The following KATNIP variants were observed in gnomAD, a reference collection of about 807,000 sequenced individuals.
The protein encoded by KATNIP is katanin interacting protein.
KATNIP carries 126 observed loss-of-function variants against 174.0 expected under a neutral mutation model. The ratio of observed to expected loss-of-function variants is 0.72; its 90% CI spans 0.63 to 0.84. KATNIP has a LOEUF of 0.84. Ranked by LOEUF, KATNIP falls within the 40% of genes least tolerant of loss-of-function variation. The pLI is 0.00. For missense variants in KATNIP, 1,958 were observed against 2,109.7 expected, an observed-to-expected ratio of 0.93 and a Z score of 1.41; for synonymous variants, 810 against 835.7, an observed-to-expected ratio of 0.97 and a Z score of 0.53.
At chr16:27,652,774 T>G (rs983157420) in intron 6 of KATNIP, among the ~76,000 whole-genome samples, 1 of 148,534 alleles carries the variant, frequency 6.7e-6, no homozygotes, top group Non-Finnish European at 1.5e-5. Flanking sequence ...ATGGAGCCAC[T>G]GTACTGCAGG....
intron 1 of KATNIP, among the ~76,000 whole-genome samples, chr16:27,553,619 A>G (rs1025652429): frequency 2.0e-5 from 3 of 152,198 alleles, no homozygotes; most frequent in South Asian, 2.1e-4. Flanking sequence ...ATTCAAGACC[A>G]GCTTCGTCAA....
chr16:27,702,296 G>A (rs1368707936), intron 11 of KATNIP, among the ~76,000 whole-genome samples: 1 of 152,168 alleles, frequency 6.6e-6, no homozygotes, highest in Non-Finnish European at 1.5e-5. Context: ...AGGGGGCGAG[G>A]TTGGCCCACA....
rs143371654 is a variant in KATNIP, at chr16:27,569,371, G to A, written c.8-4530G>A. ...AAATCATAAGTGGGAGAATAGTATT[G>A]TAGTTACAAAATTCAATGCAGTCAC... is the stretch of plus-strand genomic sequence containing the variant. On this transcript the variant is annotated intron_variant, in intron 1 of 27. Transcript: ENST00000261588. Among the ~76,000 whole-genome samples the A allele has an allele frequency of 3.2e-4, 49 of 152,314 alleles. 1 individual carries two copies. Among genetic ancestry groups the A allele is most frequent in the African/African-American group, 8.9e-4 (37 of 41,564 alleles).
At chr16:27,743,816 C>A (rs1263966336) in intron 15 of KATNIP, among the ~76,000 whole-genome samples, 1 of 152,146 alleles carries the variant, frequency 6.6e-6, no homozygotes, top group East Asian at 1.9e-4. Flanking sequence ...AAACATTACC[C>A]TATAGTAGTC....
In KATNIP at chr16:27,749,964, A is replaced by C. The variant is rs1356245819; in HGVS notation, c.3004A>C (p.Lys1002Gln). 1 of 1,614,248 alleles carries C rather than the reference A, an allele frequency of 6.2e-7. No homozygotes were observed. Among genetic ancestry groups the C allele is most frequent in the African/African-American group, 1.3e-5 (1 of 75,064 alleles). ...CAACGGAATAGAAATATTCAGTTCC[A>C]AGGGTGAACCGGTGCAGATTTCAAA... is the stretch of plus-strand genomic sequence containing the variant. ...GLNGIEIFSS[K>Q]GEPVQISNIK... The change falls in exon 16 of 28, where the codon AAG (lysine) becomes CAG (glutamine). Residue 1002 changes from lysine (K) to glutamine (Q), a missense_variant. Lys to Gln is a moderately conservative substitution (Grantham distance 53). This residue lies in a region of KATNIP where 1,557 missense variants were observed against 1,617.8 expected (regional missense o/e 0.96). Coordinates refer to ENST00000261588, the MANE Select transcript of KATNIP (RefSeq NM_015202.5).
chr16:27,701,083 T>C (rs955180215), intron 10 of KATNIP, among the ~76,000 whole-genome samples: 1 of 152,254 alleles, frequency 6.6e-6, no homozygotes, highest in Non-Finnish European at 1.5e-5. Context: ...ATGCTGTTAC[T>C]GGAATTCTTC....
intron 22 of KATNIP, 88 bp downstream of exon 22, chr16:27,771,740 C>A: frequency 1.4e-6 from 2 of 1,379,794 alleles, no homozygotes; most frequent in Non-Finnish European, 2.0e-6. Flanking sequence ...TTCAGGCGGC[C>A]ACAGATGAGG....
intron 8 of KATNIP, among the ~76,000 whole-genome samples, chr16:27,682,785 C>T (rs1350288077): frequency 6.6e-6 from 1 of 151,990 alleles, no homozygotes; most frequent in Non-Finnish European, 1.5e-5. Flanking sequence ...GAGAGGTGGG[C>T]CCTTTAAGAT....
intron 10 of KATNIP, among the ~76,000 whole-genome samples, chr16:27,700,704 G>T (rs1275625695): frequency 1.3e-5 from 2 of 152,188 alleles, no homozygotes; most frequent in Non-Finnish European, 2.9e-5. Context: ...AATGAGCCCA[G>T]CCTGATCAAG....
intron 5 of KATNIP, among the ~76,000 whole-genome samples, chr16:27,646,834 G>T (rs1192458986): frequency 3.9e-5 from 6 of 152,154 alleles, no homozygotes; most frequent in Non-Finnish European, 7.3e-5. Context: ...TGCTCCATGA[G>T]GTCACCCAGG....
chr16:27,735,255 C>T (rs915354262), intron 14 of KATNIP, among the ~76,000 whole-genome samples: 8 of 152,196 alleles, frequency 5.3e-5, no homozygotes, highest in South Asian at 4.2e-4. Context: ...GTTCCCTCTC[C>T]GCCAGACGTC....
At chr16:27,751,359 G>C (rs2081509619) in intron 16 of KATNIP, among the ~76,000 whole-genome samples, 1 of 152,098 alleles carries the variant, frequency 6.6e-6, no homozygotes, top group African/African-American at 2.4e-5. Context: ...TGCCGGGTTG[G>C]AGCTGTAACT....
chr16:27,725,880 T>C (rs1210742004), intron 14 of KATNIP, among the ~76,000 whole-genome samples: 5 of 152,202 alleles, frequency 3.3e-5, no homozygotes, highest in Non-Finnish European at 7.3e-5. Flanking sequence ...CCAGGGTATA[T>C]TTTATATACA....
At chr16:27,769,754 G>C (rs1405244181) in intron 20 of KATNIP, 107 bp from the exon 21 acceptor site, 2 of 1,362,410 alleles carry the variant, frequency 1.5e-6, no homozygotes, top group South Asian at 1.3e-5. Context: ...TCTGCGAAAG[G>C]CTCCCCATGG....
rs368886285 is a variant in KATNIP, at chr16:27,769,847, C to T, written c.3976-14C>T. 2 of 1,612,104 alleles carry T rather than the reference C, an allele frequency of 1.2e-6. No individual in the cohort carries two copies. The highest frequency in any genetic ancestry group is 1.7e-6 in the Non-Finnish European group (2 of 1,178,316). On this transcript the variant is annotated splice_polypyrimidine_tract_variant and intron_variant, in intron 20 of 27. Coordinates refer to ENST00000261588, the MANE Select transcript of KATNIP (RefSeq NM_015202.5). ...CTGCCTCCCTTCAGTCATGTTATTT[C>T]TTTTGTTTGCCAGGCCAAGATTGTC...
chr16:27,591,209 G>A (rs1245874058), intron 2 of KATNIP, among the ~76,000 whole-genome samples: 13 of 150,236 alleles, frequency 8.7e-5, no homozygotes, highest in South Asian at 2.1e-4. Context: ...TTTTTGAGAC[G>A]GAGTCTCGCT....
intron 3 of KATNIP, among the ~76,000 whole-genome samples, chr16:27,624,774 C>T (rs1236853061): frequency 6.6e-6 from 1 of 152,044 alleles, no homozygotes; most frequent in Non-Finnish European, 1.5e-5. Context: ...GAGCTGTGAT[C>T]ACACCACTAC....
chr16:27,583,284 C>G (rs1260452086), intron 2 of KATNIP, among the ~76,000 whole-genome samples: 1 of 152,184 alleles, frequency 6.6e-6, no homozygotes, highest in Non-Finnish European at 1.5e-5. Context: ...TTTCCCGAGT[C>G]TGTTTTGGAT....
intron 8 of KATNIP, among the ~76,000 whole-genome samples, chr16:27,696,167 G>A (rs987491342): frequency 6.6e-6 from 1 of 152,000 alleles, no homozygotes; most frequent in Non-Finnish European, 1.5e-5. Flanking sequence ...TCTTAAATTG[G>A]GGTGTTATTA....
Sources: gnomAD v4.1 joint callset for allele counts (sites outside exome capture counted in the v4.1 genomes callset) on GRCh38, gnomAD v4.1.1 for gene constraint, gnomAD v4.1.1 regional missense constraint, MANE v1.5 for transcripts, NCBI Gene and HGNC (gene_info 2026-07-23, HGNC 2026-07-21) for gene names.